Variants in UBE2E2 observed in about 807,000 individuals in gnomAD.
UBE2E2 encodes the protein ubiquitin conjugating enzyme E2 E2, also known as ubiquitin-conjugating enzyme E2 E2.
Under a neutral mutation model 24.7 loss-of-function variants are expected in UBE2E2, and 6 were observed. The ratio of observed to expected loss-of-function variants is 0.24; its 90% CI spans 0.13 to 0.48. The LOEUF is 0.48. Among genes scored for constraint, UBE2E2 ranks in the 20% least tolerant of loss-of-function variants. The pLI is 0.99. For synonymous variants in UBE2E2, 104 were observed against 83.6 expected, an observed-to-expected ratio of 1.24 and a Z score of -1.33; for missense variants, 169 against 245.0, an observed-to-expected ratio of 0.69 and a Z score of 2.07.
At chr3:23,519,708 G>A (rs1272263227) in intron 4 of UBE2E2, among the ~76,000 whole-genome samples, 3 of 152,100 alleles carry the variant, frequency 2.0e-5, no homozygotes, top group Admixed American at 6.5e-5. Flanking sequence ...ACAGGGTCTC[G>A]CTCTATTGCC....
At chr3:23,386,762 A>T (rs1250723960) in intron 3 of UBE2E2, among the ~76,000 whole-genome samples, 1 of 152,210 alleles carries the variant, frequency 6.6e-6, no homozygotes, top group Non-Finnish European at 1.5e-5. Flanking sequence ...ATATACTCAG[A>T]GTAGGGAGTA....
chr3:23,214,555 C>T (rs1194323004), intron 2 of UBE2E2, among the ~76,000 whole-genome samples: 1 of 151,806 alleles, frequency 6.6e-6, no homozygotes, highest in Non-Finnish European at 1.5e-5. Flanking sequence ...TGAGCCTGGC[C>T]CAGGATTTAT....
At chr3:23,262,173 T>C (rs577692422) in intron 3 of UBE2E2, among the ~76,000 whole-genome samples, 9 of 152,336 alleles carry the variant, frequency 5.9e-5, no homozygotes, top group African/African-American at 2.2e-4. Flanking sequence ...TATCTCTTTA[T>C]GGTTTGGATT....
At chr3:23,369,685 T>C (rs1360895874) in intron 3 of UBE2E2, among the ~76,000 whole-genome samples, 3 of 152,208 alleles carry the variant, frequency 2.0e-5, no homozygotes, top group African/African-American at 7.2e-5. Flanking sequence ...TTTTCTGCTT[T>C]GAACACATTT....
intron 4 of UBE2E2, among the ~76,000 whole-genome samples, chr3:23,517,904 A>G (rs1361301147): frequency 6.6e-6 from 1 of 152,170 alleles, no homozygotes; most frequent in Non-Finnish European, 1.5e-5. Context: ...TGTTTATTTA[A>G]GATAGTACTT....
At chr3:23,558,761 C>T (rs1036993298) in intron 5 of UBE2E2, among the ~76,000 whole-genome samples, 19 of 152,118 alleles carry the variant, frequency 1.2e-4, no homozygotes, top group Admixed American at 6.6e-5. Flanking sequence ...GAAATCTGTT[C>T]ATCTCAGTGT....
At chr3:23,224,323 G>A (rs1696756871) in intron 3 of UBE2E2, among the ~76,000 whole-genome samples, 1 of 151,400 alleles carries the variant, frequency 6.6e-6, no homozygotes, top group Admixed American at 6.6e-5. Flanking sequence ...TTTTTTTGGT[G>A]TCCTATTTAT....
At chr3:23,512,699 C>T (rs996531510) in intron 4 of UBE2E2, among the ~76,000 whole-genome samples, 2 of 152,070 alleles carry the variant, frequency 1.3e-5, no homozygotes, top group African/African-American at 2.4e-5. Context: ...AATCCCAGCA[C>T]TTTAGGAGGC....
chr3:23,484,053 C>CT (rs1336479303), intron 3 of UBE2E2, among the ~76,000 whole-genome samples: 1 of 152,256 alleles, frequency 6.6e-6, no homozygotes, highest in East Asian at 1.9e-4. Context: ...CTCCAGAGTA[C>CT]TTTTGCAATT....
At chr3:23,382,073 T>G (rs1332038958) in intron 3 of UBE2E2, among the ~76,000 whole-genome samples, 1 of 152,250 alleles carries the variant, frequency 6.6e-6, no homozygotes, top group Non-Finnish European at 1.5e-5. Flanking sequence ...AAGTTGTTAA[T>G]TTTACTTATG....
chr3:23,356,478 C>CT (rs1695956102), intron 3 of UBE2E2, among the ~76,000 whole-genome samples: 1 of 152,206 alleles, frequency 6.6e-6, no homozygotes, highest in African/African-American at 2.4e-5. Flanking sequence ...CATTCTGACA[C>CT]TAACTGCAGA....
chr3:23,382,177 A>G (rs1319876634), intron 3 of UBE2E2, among the ~76,000 whole-genome samples: 1 of 79,388 alleles, frequency 1.3e-5, no homozygotes, highest in Non-Finnish European at 2.5e-5. Flanking sequence ...CGAATACTTT[A>G]ATTTTTTTTT....
At chr3:23,374,593 T>C (rs1395673151) in intron 3 of UBE2E2, among the ~76,000 whole-genome samples, 1 of 152,180 alleles carries the variant, frequency 6.6e-6, no homozygotes, top group Non-Finnish European at 1.5e-5. Flanking sequence ...CCTGTTAATA[T>C]TGGCTCTAAA....
At chr3:23,523,840 G>A (rs1189917512) in intron 4 of UBE2E2, among the ~76,000 whole-genome samples, 1 of 141,852 alleles carries the variant, frequency 7.0e-6, no homozygotes, top group Non-Finnish European at 1.5e-5. Flanking sequence ...TTTTTTTTAT[G>A]TATACTAACA....
chr3:23,427,077 T>A (rs1697943519), intron 3 of UBE2E2, among the ~76,000 whole-genome samples: 1 of 152,002 alleles, frequency 6.6e-6, no homozygotes. Context: ...TAGGCTTCGA[T>A]TAGTTTTAAA....
rs1696531699 is a variant in UBE2E2 at position 23,583,308 on chromosome 3, A to G, written c.509-6426A>G. ...TCTATGTGTCTGTTTTTGTACCAGT[A>G]TCATGCTGTTTTGGTTACTATAGCC... On this transcript the variant is annotated intron_variant, in intron 5 of 5. Coordinates refer to ENST00000396703, the MANE Select transcript of UBE2E2 (RefSeq NM_152653.4). This position sits in a 1 kb window ranked among gnomAD's most constrained non-coding sequence, Gnocchi z 4.1. 6.6e-6 allele frequency among the ~76,000 whole-genome samples: 1 copy of G among 152,172 alleles called. No individual in the cohort carries two copies.
intron 3 of UBE2E2, among the ~76,000 whole-genome samples, chr3:23,457,764 G>T (rs1209356755): frequency 1.3e-5 from 2 of 152,174 alleles, no homozygotes; most frequent in African/African-American, 4.8e-5. Context: ...TTTATGTTAG[G>T]AAGACTGCTT....
At chr3:23,408,018 ATG>A (rs1697406271) in intron 3 of UBE2E2, among the ~76,000 whole-genome samples, 2 of 152,086 alleles carry the variant, frequency 1.3e-5, no homozygotes, top group East Asian at 1.9e-4. Context: ...AAAAAATACA[ATG>A]TCACTGAAGT....
At chr3:23,409,455 T>C (rs2125379476) in intron 3 of UBE2E2, among the ~76,000 whole-genome samples, 1 of 152,312 alleles carries the variant, frequency 6.6e-6, no homozygotes, top group South Asian at 2.1e-4. Context: ...CTGATTATCA[T>C]GCTCTTACTG....
Sources: allele counts gnomAD v4.1 joint callset (sites outside exome capture counted in the v4.1 genomes callset), GRCh38; gene constraint gnomAD v4.1.1; non-coding constraint Gnocchi (gnomAD v3.1); transcripts MANE v1.5; gene names NCBI Gene and HGNC (gene_info 2026-07-23, HGNC 2026-07-21).